The following P4HA1 variants were observed in gnomAD, a reference collection of about 807,000 sequenced individuals.
The protein encoded by P4HA1 is prolyl 4-hydroxylase subunit alpha-1.
Under a neutral mutation model 72.8 loss-of-function variants are expected in P4HA1, and 24 were observed. That is an observed-to-expected ratio of 0.33 (90% CI 0.24 to 0.46). P4HA1 has a LOEUF of 0.46. Among genes scored for constraint, P4HA1 ranks in the 20% least tolerant of loss-of-function variants. P4HA1 has a pLI of 1.00. For synonymous variants in P4HA1, 201 were observed against 218.8 expected, an observed-to-expected ratio of 0.92 and a Z score of 0.72; for missense variants, 446 against 640.6, an observed-to-expected ratio of 0.70 and a Z score of 3.28.
intron 5 of P4HA1, chr10:73,065,143 G>A (rs1841390402): frequency 6.6e-6 from 1 of 151,872 alleles, no homozygotes; most frequent in Non-Finnish European, 1.5e-5. Context: ...TGACCAGAAG[G>A]GTGAACATTC....
At chr10:73,096,198 A>C (rs907740947) in intron 1 of P4HA1, among the ~76,000 whole-genome samples, 1 of 152,164 alleles carries the variant, frequency 6.6e-6, no homozygotes, top group Non-Finnish European at 1.5e-5. Flanking sequence ...CGCTGCGCGC[A>C]ACAGATGAGT....
In P4HA1 at chr10:73,009,907, T is replaced by A; in HGVS notation, c.1438-4A>T. On this transcript the variant is annotated splice_region_variant and splice_polypyrimidine_tract_variant and intron_variant, in intron 13 of 14. Coordinates refer to ENST00000394890, the MANE Select transcript of P4HA1 (RefSeq NM_001017962.3). The stretch of plus-strand genomic sequence containing the variant: ...TATACCAGAAAACAGCAGTTCCCTA[T>A]GGAGAACAATTCACAATTATCCCCA... The A allele has an allele frequency of 2.0e-6, 3 of 1,516,714 alleles. No homozygotes were observed. The highest frequency in any genetic ancestry group is 9.2e-7 in the Non-Finnish European group (1 of 1,091,682). 94.0% of individuals were successfully genotyped at this position (1,516,714 alleles called of 1,614,324 possible).
intron 10 of P4HA1, among the ~76,000 whole-genome samples, chr10:73,024,492 A>G (rs972949329): frequency 3.3e-5 from 5 of 151,866 alleles, no homozygotes; most frequent in Non-Finnish European, 7.4e-5. Context: ...CATTTAAAGC[A>G]GTGTAGAGGA....
chr10:73,022,130 G>A (rs1289542712), intron 10 of P4HA1, among the ~76,000 whole-genome samples: 5 of 152,240 alleles, frequency 3.3e-5, no homozygotes, highest in Non-Finnish European at 5.9e-5. Flanking sequence ...CAGCTCTGAA[G>A]AGAGCAGTGG....
chr10:73,010,548 G>A (rs954571041), intron 13 of P4HA1, among the ~76,000 whole-genome samples: 3 of 151,966 alleles, frequency 2.0e-5, no homozygotes, highest in East Asian at 1.9e-4. Flanking sequence ...CTAAGTACTC[G>A]TGGCAAGGAC....
chr10:73,057,080 A>T, intron 5 of P4HA1, among the ~76,000 whole-genome samples: 1 of 151,810 alleles, frequency 6.6e-6, no homozygotes. Context: ...AAAAAAATAG[A>T]TTAAACACAA....
intron 13 of P4HA1, among the ~76,000 whole-genome samples, 199 bp from the exon 14 acceptor site, chr10:73,010,102 G>C: frequency 6.6e-6 from 1 of 151,898 alleles, no homozygotes; most frequent in South Asian, 2.1e-4. Context: ...TCAAATAGCT[G>C]GGATTACAGG....
chr10:73,038,624 T>C (rs1381038197), intron 9 of P4HA1, among the ~76,000 whole-genome samples: 1 of 118,992 alleles, frequency 8.4e-6, no homozygotes, highest in Non-Finnish European at 1.7e-5. Context: ...TTTATTTGCT[T>C]TTTTTTTTTT....
chr10:73,051,008 TAC>T (rs754592987), intron 7 of P4HA1, 43 bp downstream of exon 7: 44 of 1,345,026 alleles, frequency 3.3e-5, no homozygotes, highest in Non-Finnish European at 4.0e-5. Context: ...TACAAACACA[TAC>T]ACACACACAT....
At chr10:73,074,600 C>T (rs1300960082) in intron 2 of P4HA1, among the ~76,000 whole-genome samples, 2 of 151,836 alleles carry the variant, frequency 1.3e-5, no homozygotes, top group Non-Finnish European at 2.9e-5. Context: ...TAAGTATATG[C>T]ATTAAATTAT....
intron 5 of P4HA1, among the ~76,000 whole-genome samples, chr10:73,062,802 C>T (rs909750572): frequency 3.3e-5 from 5 of 152,154 alleles, no homozygotes; most frequent in Admixed American, 2.0e-4. Context: ...GTTATGGGCA[C>T]GTTTTGCTAG....
chr10:73,012,568 T>C (rs1839929472), intron 12 of P4HA1, among the ~76,000 whole-genome samples: 1 of 151,772 alleles, frequency 6.6e-6, no homozygotes, highest in South Asian at 2.1e-4. Context: ...AAATTGGGAA[T>C]TGGGGAGAAA....
intron 8 of P4HA1, among the ~76,000 whole-genome samples, chr10:73,045,576 TA>T (rs1351224112): frequency 6.6e-6 from 1 of 151,978 alleles, no homozygotes; most frequent in Non-Finnish European, 1.5e-5. Flanking sequence ...TACAGTGAAA[TA>T]ATCTTGGACT....
intron 9 of P4HA1, among the ~76,000 whole-genome samples, chr10:73,034,387 T>A (rs1840515328): frequency 6.6e-6 from 1 of 152,082 alleles, no homozygotes; most frequent in Non-Finnish European, 1.5e-5. Flanking sequence ...ACTATCCATT[T>A]CCAGAACTTT....
At chr10:73,014,612 A>G (rs1297923403) in intron 11 of P4HA1, among the ~76,000 whole-genome samples, 2 of 152,190 alleles carry the variant, frequency 1.3e-5, no homozygotes, top group Non-Finnish European at 2.9e-5. Flanking sequence ...TGGATACTTT[A>G]GACAAGATTA....
intron 10 of P4HA1, among the ~76,000 whole-genome samples, chr10:73,023,471 T>C (rs1840185695): frequency 6.6e-6 from 1 of 152,186 alleles, no homozygotes; most frequent in South Asian, 2.1e-4. Context: ...CCACCAGGCC[T>C]GTCTTACAAG....
At chr10:73,081,217 A>G (rs12573512) in intron 1 of P4HA1, among the ~76,000 whole-genome samples, 16,333 of 152,054 alleles carry the variant, frequency 0.11, 1,265 homozygotes, top group East Asian at 0.3. Flanking sequence ...TAATTTTTAA[A>G]AAGACAAAGA....
intron 7 of P4HA1, 147 bp from the exon 8 acceptor site, chr10:73,047,248 AT>A: frequency 6.2e-6 from 4 of 643,300 alleles, no homozygotes; most frequent in Non-Finnish European, 1.0e-5. Flanking sequence ...CTCTGCAAAT[AT>A]TTTGCCTCAA....
intron 5 of P4HA1, among the ~76,000 whole-genome samples, chr10:73,062,145 T>C (rs146983262): frequency 1.6e-4 from 24 of 152,186 alleles, no homozygotes; most frequent in African/African-American, 5.8e-4. Context: ...AAAGAAAGGG[T>C]GGAAGGAGTA....
Sources: allele counts gnomAD v4.1 joint callset (sites outside exome capture counted in the v4.1 genomes callset), GRCh38; gene constraint gnomAD v4.1.1; transcripts MANE v1.5; gene names NCBI Gene and HGNC (gene_info 2026-07-23, HGNC 2026-07-21).